The following RAB7B variants were observed in gnomAD, a reference collection of about 807,000 sequenced individuals.
RAB7B encodes the protein ras-related protein Rab-7b.
chr1:205,999,409 A>G (rs2102255723), intron 1 of RAB7B, among the ~76,000 whole-genome samples: 1 of 152,348 alleles, frequency 6.6e-6, no homozygotes, highest in South Asian at 2.1e-4. Flanking sequence ...GGAAATTAAC[A>G]TTTCAAAATA....
chr1:205,977,795 TTC>T lies in RAB7B; in HGVS notation c.*1054_*1055del, dbSNP rs1438892757. 1.3e-5 allele frequency: 2 copies of T among 152,226 alleles called. No homozygotes were observed. The highest frequency in any genetic ancestry group is 4.8e-5 in the African/African-American group (2 of 41,430). The allele number at this position is 152,226 out of a possible 1,614,324, so 9.4% of individuals were successfully genotyped here. A position where few individuals can be genotyped will look rare whatever the true frequency, so the allele number is the denominator to read the frequency against. ...CTCTCAGGTGACAGCTGCTTTCTCA[TTC>T]TCTAGCCCTCAGACCAAATGCCACC... is the stretch of plus-strand genomic sequence containing the variant. On this transcript the variant is annotated 3_prime_UTR_variant, in exon 6 of 6. Coordinates refer to ENST00000617070, the MANE Select transcript of RAB7B (RefSeq NM_001164522.3).
chr1:205,982,175 T>A (rs2102631584), intron 5 of RAB7B, among the ~76,000 whole-genome samples: 1 of 152,348 alleles, frequency 6.6e-6, no homozygotes, highest in South Asian at 2.1e-4. Flanking sequence ...GACGTCATTA[T>A]CCCTTTCTCT....
intron 3 of RAB7B, 111 bp downstream of exon 3, chr1:205,993,309 C>T (rs2102640790): frequency 2.5e-6 from 1 of 395,178 alleles, no homozygotes; most frequent in South Asian, 1.4e-4. Context: ...TTGCTCATCT[C>T]TGCTCTAGAC....
At chr1:206,001,075 T>C (rs1466921422) in intron 1 of RAB7B, among the ~76,000 whole-genome samples, 1 of 152,158 alleles carries the variant, frequency 6.6e-6, no homozygotes, top group African/African-American at 2.4e-5. Context: ...AGGAGTTTGC[T>C]GAGGCTGCTA....
At chr1:205,990,913 G>A (rs1660710720) in intron 4 of RAB7B, among the ~76,000 whole-genome samples, 2 of 150,636 alleles carry the variant, frequency 1.3e-5, no homozygotes, top group African/African-American at 4.9e-5. Context: ...TCATCCTCCT[G>A]AGTAGCTGGG....
intron 4 of RAB7B, among the ~76,000 whole-genome samples, chr1:205,990,631 G>T (rs1379756146): frequency 1.3e-5 from 2 of 151,166 alleles, no homozygotes; most frequent in Non-Finnish European, 3.0e-5. Context: ...GATGCTGAAA[G>T]CCAGGGGTTG....
At chr1:206,002,609 G>C (rs1392584376) in intron 1 of RAB7B, among the ~76,000 whole-genome samples, 1 of 152,140 alleles carries the variant, frequency 6.6e-6, no homozygotes, top group Non-Finnish European at 1.5e-5. Context: ...GAAATTATTT[G>C]TATTAATACA....
rs1660578645 is a variant in RAB7B at position 205,985,625 on chromosome 1, T to C, written c.437A>G (p.Asp146Gly). ...EVAQGWCREK[D>G]IPYFEVSAKN... ...GGCACTGACTTCAAAGTAAGGAATA[T>C]CTTTCTCTCTACACCAGCCTTGAGC... The change falls in exon 5 of 6, where the codon GAT becomes GGT. Residue 146 changes from aspartate (D) to glycine (G), a missense_variant. By Grantham distance (94) the Asp-to-Gly change is moderately conservative. Transcript: ENST00000617070. The C allele has an allele frequency of 2.5e-6, 1 of 399,120 alleles. No homozygotes were observed. The highest frequency in any genetic ancestry group is 4.4e-6 in the Non-Finnish European group (1 of 226,422). The allele number at this position is 399,120 out of a possible 1,614,324, so 24.7% of individuals were successfully genotyped here.
intron 1 of RAB7B, 92 bp from the exon 2 acceptor site, chr1:205,994,243 G>A (rs1660773136): frequency 7.6e-6 from 3 of 396,392 alleles, no homozygotes; most frequent in East Asian, 3.6e-5. Context: ...TTTCCAATGG[G>A]CAAGTTACTG....
rs1660434836 is a variant in RAB7B at position 205,978,880 on chromosome 1, G to A, written c.571C>T (p.Pro191Ser). ...NHLTESIKLSPDQSRSRCC is the reference protein window; with the variant it reads ...NHLTESIKLSSDQSRSRCC ...CAGCATCTGCTCCTTGACTGGTCTGGCGAGAGCTTGATGGATTCTGTGAGG... is the reference window on the plus strand; with the variant it reads ...CAGCATCTGCTCCTTGACTGGTCTGACGAGAGCTTGATGGATTCTGTGAGG... The change falls in exon 6 of 6, where the codon CCA becomes TCA. Residue 191 changes from proline (P) to serine (S), a missense_variant. By Grantham distance (74) the Pro-to-Ser change is moderately conservative. Coordinates refer to ENST00000617070, the MANE Select transcript of RAB7B (RefSeq NM_001164522.3). 2 of 398,650 alleles carry A rather than the reference G, an allele frequency of 5.0e-6. No homozygotes were observed. The highest frequency in any genetic ancestry group is 1.3e-4 in the South Asian group (1 of 7,864). The allele number at this position is 398,650 out of a possible 1,614,324, so 24.7% of individuals were successfully genotyped here. A position where few individuals can be genotyped will look rare whatever the true frequency, so the allele number is the denominator to read the frequency against.
chr1:205,978,677 T>G lies in RAB7B; in HGVS notation c.*174A>C. 5.1e-6 allele frequency: 2 copies of G among 391,260 alleles called. No individual in the cohort carries two copies. Among genetic ancestry groups the G allele is most frequent in the African/African-American group, 2.1e-5 (1 of 48,564 alleles). 24.2% of individuals were successfully genotyped at this position (391,260 alleles called of 1,614,324 possible). On this transcript the variant is annotated 3_prime_UTR_variant, in exon 6 of 6. Coordinates refer to ENST00000617070, the MANE Select transcript of RAB7B (RefSeq NM_001164522.3). ...ACTCAGCCTGAGCCAGGGGCTGCCCTCTGACTCTGGGCCCAGCACCAGGGT... is the reference window on the plus strand; with the variant it reads ...ACTCAGCCTGAGCCAGGGGCTGCCCGCTGACTCTGGGCCCAGCACCAGGGT...
rs1660617128 is a variant in RAB7B at position 205,986,857 on chromosome 1, G to T, written c.397-1192C>A. ...TTCCACCCCTCTCCCAGAACACAGT[G>T]CAGGCCGAGGCAAATCAAACACTGC... On this transcript the variant is annotated intron_variant, in intron 4 of 5. Transcript: ENST00000617070. Among the ~76,000 whole-genome samples the T allele has an allele frequency of 2.0e-5, 3 of 152,044 alleles. No homozygotes were observed. The South Asian group carries it at 6.2e-4, about 32-fold the overall frequency.
At chr1:206,001,443 T>A (rs1242711296) in intron 1 of RAB7B, among the ~76,000 whole-genome samples, 1 of 152,192 alleles carries the variant, frequency 6.6e-6, no homozygotes, top group East Asian at 1.9e-4. Flanking sequence ...GTGAAATGTA[T>A]AGGAATAAGT....
intron 4 of RAB7B, among the ~76,000 whole-genome samples, chr1:205,990,855 G>A (rs1029898717): frequency 6.8e-6 from 1 of 146,668 alleles, no homozygotes; most frequent in Non-Finnish European, 1.5e-5. Flanking sequence ...TGGTGCGATC[G>A]CGGCTCACTG....
In RAB7B at chr1:205,996,743, G is replaced by A. The variant is rs938998356; in HGVS notation, c.-16-2592C>T. 7.9e-5 allele frequency among the ~76,000 whole-genome samples: 12 copies of A among 152,164 alleles called. No individual in the cohort carries two copies. The East Asian group carries it at 1.5e-3, about 20-fold the overall frequency. Reference sequence around the variant, plus strand: ...GAAGGAAAGAGGTTTAATTGGTTCCGCATGGCTGGGGAGGCCTCAGGAAAC... The same window carrying A: ...GAAGGAAAGAGGTTTAATTGGTTCCACATGGCTGGGGAGGCCTCAGGAAAC... On this transcript the variant is annotated intron_variant, in intron 1 of 5. Transcript: ENST00000617070.
chr1:205,985,092 G>A (rs1382466713), intron 5 of RAB7B, among the ~76,000 whole-genome samples: 1 of 152,164 alleles, frequency 6.6e-6, no homozygotes, highest in Non-Finnish European at 1.5e-5. Context: ...CCGAACCTTC[G>A]TACCTAGGGG....
chr1:205,988,691 AG>A (rs1161199221), intron 4 of RAB7B, among the ~76,000 whole-genome samples: 1 of 152,182 alleles, frequency 6.6e-6, no homozygotes, highest in Non-Finnish European at 1.5e-5. Context: ...ACTCAGTCTC[AG>A]GAAGTCTGTG....
chr1:205,980,093 C>G (rs1388189601), intron 5 of RAB7B, among the ~76,000 whole-genome samples: 4 of 152,222 alleles, frequency 2.6e-5, no homozygotes, highest in African/African-American at 9.7e-5. Context: ...CTGCCACCCC[C>G]AGACTGAGCA....
chr1:206,002,274 G>A (rs1350083984), intron 1 of RAB7B, among the ~76,000 whole-genome samples: 5 of 152,196 alleles, frequency 3.3e-5, no homozygotes, highest in African/African-American at 1.2e-4. Context: ...TCTGGGAAGT[G>A]TACCTACAGC....
Sources: gnomAD v4.1 joint callset for allele counts (sites outside exome capture counted in the v4.1 genomes callset) on GRCh38, gnomAD v4.1.1 for gene constraint, MANE v1.5 for transcripts, NCBI Gene and HGNC (gene_info 2026-07-23, HGNC 2026-07-21) for gene names.